OSER1: variants seen among roughly 807,000 people sequenced by gnomAD.
OSER1 encodes oxidative stress responsive serine rich 1, also known as oxidative stress-responsive serine-rich protein 1.
In OSER1, 15 loss-of-function variants were observed where a neutral mutation model predicts 26.3. The ratio of observed to expected loss-of-function variants is 0.57; its 90% CI spans 0.38 to 0.88. The LOEUF is 0.88. OSER1 is among the 40% of genes least tolerant of loss of function. OSER1 has a pLI of 0.00. For synonymous variants in OSER1, 127 were observed against 128.2 expected (o/e 0.99, Z 0.07); for missense variants, 313 against 353.9 (o/e 0.88, Z 0.93).
intron 1 of OSER1, among the ~76,000 whole-genome samples, chr20:44,208,036 CA>C (rs541621946): frequency 2.6e-5 from 4 of 151,198 alleles, no homozygotes; most frequent in African/African-American, 7.3e-5. Context: ...AAAAGTACCA[CA>C]AAAAAAATAG....
At chr20:44,204,314 T>A (rs1044716192) in intron 2 of OSER1, among the ~76,000 whole-genome samples, 1 of 152,178 alleles carries the variant, frequency 6.6e-6, no homozygotes, top group African/African-American at 2.4e-5. Context: ...GATATCCCAT[T>A]TGTAAACTGG....
rs1422739693 is a variant in OSER1 at position 44,203,009 on chromosome 20, T to C, written c.143A>G (p.Asp48Gly). Residue 48 changes from aspartate (D) to glycine (G), a missense_variant, in exon 3 of 4, where the codon GAT (aspartate) becomes GGT (glycine). Transcript: ENST00000255174. ...GVRAPVRTAT[D>G]DTKPKTTCAS... is the part of the protein sequence containing the mutation. ...ACATGTGGTTTTAGGTTTGGTATCA[T>C]CTGTTGCTGTTCTGACTGGTGCTCT... The C allele has an allele frequency of 2.5e-6, 4 of 1,613,536 alleles. No individual in the cohort carries two copies. Among genetic ancestry groups the C allele is most frequent in the South Asian group, 1.1e-5 (1 of 91,094 alleles).
intron 3 of OSER1, among the ~76,000 whole-genome samples, chr20:44,197,980 A>G (rs1016179680): frequency 2.0e-5 from 3 of 152,168 alleles, no homozygotes; most frequent in African/African-American, 7.2e-5. Flanking sequence ...TTTTAACTGA[A>G]TCACCTGGGC....
chr20:44,203,694 T>TAACACACACACACACACACACACA (rs1555866748), intron 2 of OSER1, among the ~76,000 whole-genome samples: 36 of 145,360 alleles, frequency 2.5e-4, no homozygotes, highest in African/African-American at 9.0e-4. Context: ...CAGACTTTTT[T>TAACACACACACACACACACACACA]CACACACACA....
intron 1 of OSER1, chr20:44,210,095 G>C (rs2073083751): frequency 6.6e-6 from 1 of 152,424 alleles, no homozygotes; most frequent in African/African-American, 2.4e-5. Context: ...CAGAGTCTGT[G>C]CCTGTCGCGG....
chr20:44,203,693 T>TTC (rs1555866736), intron 2 of OSER1, among the ~76,000 whole-genome samples: 3 of 75,648 alleles, frequency 4.0e-5, no homozygotes, highest in East Asian at 1.0e-3. Context: ...CCAGACTTTT[T>TTC]TCACACACAC....
Position 44,196,805 on chromosome 20 carries a change from C to A in OSER1, c.*247G>T. 1 of 424,556 alleles carries A rather than the reference C, an allele frequency of 2.4e-6. No individual in the cohort carries two copies. Among genetic ancestry groups the A allele is most frequent in the East Asian group, 3.8e-5 (1 of 26,172 alleles). 26.3% of individuals were successfully genotyped at this position (424,556 alleles called of 1,614,324 possible). A position where few individuals can be genotyped will look rare whatever the true frequency, so the allele number is the denominator to read the frequency against. On this transcript the variant is annotated 3_prime_UTR_variant, in exon 4 of 4. Coordinates refer to ENST00000255174, the MANE Select transcript of OSER1 (RefSeq NM_016470.8). ...TCTCAAGTAATTATGGTTTCTTCAT[C>A]CCCCAGGAACATTTCTAAATAAGGG...
intron 2 of OSER1, among the ~76,000 whole-genome samples, chr20:44,205,371 AT>A (rs1387101604): frequency 2.0e-5 from 3 of 152,232 alleles, no homozygotes; most frequent in Non-Finnish European, 4.4e-5. Flanking sequence ...AAGACAATTT[AT>A]CAAAGTACTG....
At chr20:44,203,541 G>A (rs2073004968) in intron 2 of OSER1, among the ~76,000 whole-genome samples, 1 of 152,162 alleles carries the variant, frequency 6.6e-6, no homozygotes, top group Middle Eastern at 3.2e-3. Context: ...ATTACTCAGA[G>A]TTAAATCCTT....
At chr20:44,206,720 A>G (rs1266201195) in intron 2 of OSER1, among the ~76,000 whole-genome samples, 161 bp downstream of exon 2, 1 of 152,240 alleles carries the variant, frequency 6.6e-6, no homozygotes, top group East Asian at 1.9e-4. Flanking sequence ...TTTTAAACTA[A>G]AACAATACTG....
At chr20:44,210,360 G>A (rs573471205) in intron 1 of OSER1, among the ~76,000 whole-genome samples, 1 of 152,340 alleles carries the variant, frequency 6.6e-6, no homozygotes, top group East Asian at 1.9e-4. Flanking sequence ...TCCGAGGCGA[G>A]AGAGAAAGGA....
chr20:44,196,695 T>C lies in OSER1; in HGVS notation c.*357A>G, dbSNP rs2072922412. 1 of 195,224 alleles carries C rather than the reference T, an allele frequency of 5.1e-6. No individual in the cohort carries two copies. The allele number at this position is 195,224 out of a possible 1,614,324, so 12.1% of individuals were successfully genotyped here. On this transcript the variant is annotated 3_prime_UTR_variant, in exon 4 of 4. Coordinates refer to ENST00000255174, the MANE Select transcript of OSER1 (RefSeq NM_016470.8). ...TTAGTGCAGTTACAAAATCACATTT[T>C]ACTTTCCTTGGCTAGCAAACCTTAA...
At chr20:44,209,910 A>G (rs2143606) in intron 1 of OSER1, 83,146 of 151,926 alleles carry the variant, frequency 0.55, 24,147 homozygotes, top group African/African-American at 0.74. Context: ...AGACCACCAG[A>G]AAGCGTAGAG....
At chr20:44,208,983 G>T (rs1280348976) in intron 1 of OSER1, among the ~76,000 whole-genome samples, 2 of 152,188 alleles carry the variant, frequency 1.3e-5, no homozygotes, top group Non-Finnish European at 2.9e-5. Context: ...CCTACCACGT[G>T]CATGGCACTA....
intron 2 of OSER1, among the ~76,000 whole-genome samples, chr20:44,205,341 C>T (rs2073027215): frequency 6.6e-6 from 1 of 152,228 alleles, no homozygotes; most frequent in African/African-American, 2.4e-5. Flanking sequence ...CTCTGCTTCT[C>T]TGCTTTGCTT....
chr20:44,204,982 CA>C, intron 2 of OSER1, among the ~76,000 whole-genome samples: 1 of 152,174 alleles, frequency 6.6e-6, no homozygotes, highest in African/African-American at 2.4e-5. Flanking sequence ...GGACTACAGG[CA>C]CGCACCACCA....
chr20:44,207,002 A>G lies in OSER1; in HGVS notation c.-41-4T>C. The G allele has an allele frequency of 7.0e-7, 1 of 1,431,494 alleles. No individual in the cohort carries two copies. Among genetic ancestry groups the G allele is most frequent in the Non-Finnish European group, 9.8e-7 (1 of 1,019,900 alleles). 88.7% of individuals were successfully genotyped at this position (1,431,494 alleles called of 1,614,324 possible). A position where few individuals can be genotyped will look rare whatever the true frequency, so the allele number is the denominator to read the frequency against. ...CTTATCGATGTTCCTGTTTACACTA[A>G]AAAAGAAAATAAAGTGAGCAAAGTA... On this transcript the variant is annotated splice_region_variant and splice_polypyrimidine_tract_variant and intron_variant, in intron 1 of 3. Transcript: ENST00000255174.
chr20:44,207,884 C>T (rs879889824), intron 1 of OSER1, among the ~76,000 whole-genome samples: 15 of 152,184 alleles, frequency 9.9e-5, no homozygotes, highest in Non-Finnish European at 1.8e-4. Context: ...ACCAAAGCAA[C>T]AAGAAACACA....
At chr20:44,207,147 A>G (rs966292809) in intron 1 of OSER1, 149 bp from the exon 2 acceptor site, 2 of 497,944 alleles carry the variant, frequency 4.0e-6, no homozygotes, top group Non-Finnish European at 7.2e-6. Context: ...TTATTTCTTA[A>G]AGGGAAACAA....
Sources: allele counts gnomAD v4.1 joint callset (sites outside exome capture counted in the v4.1 genomes callset), GRCh38; gene constraint gnomAD v4.1.1; transcripts MANE v1.5; gene names NCBI Gene and HGNC (gene_info 2026-07-23, HGNC 2026-07-21).